The following PRKCA variants were observed in gnomAD, a reference collection of about 807,000 sequenced individuals.
The protein encoded by PRKCA is protein kinase C alpha type.
In PRKCA, 27 loss-of-function variants were observed where a neutral mutation model predicts 87.0. That is an observed-to-expected ratio of 0.31 (90% CI 0.23 to 0.43). The LOEUF (loss-of-function observed/expected upper bound fraction) is 0.43. Among genes scored for constraint, PRKCA ranks in the 20% least tolerant of loss-of-function variants. PRKCA has a pLI of 1.00. For missense variants in PRKCA, 518 were observed against 852.3 expected (o/e 0.61, Z 4.88); for synonymous variants, 329 against 311.1 (o/e 1.06, Z -0.61).
intron 2 of PRKCA, among the ~76,000 whole-genome samples, chr17:66,467,352 A>G (rs1915130819): frequency 6.6e-6 from 1 of 152,178 alleles, no homozygotes; most frequent in South Asian, 2.1e-4. Flanking sequence ...GTTACTATAC[A>G]TAATGTGCTA....
intron 5 of PRKCA, among the ~76,000 whole-genome samples, chr17:66,660,796 C>T (rs1971874879): frequency 6.6e-6 from 1 of 152,016 alleles, no homozygotes; most frequent in South Asian, 2.1e-4. Flanking sequence ...GTAGTCCCAG[C>T]TACTCGGGAG....
intron 3 of PRKCA, among the ~76,000 whole-genome samples, chr17:66,518,057 GA>G (rs893576651): frequency 3.4e-5 from 5 of 148,206 alleles, no homozygotes; most frequent in South Asian, 2.1e-4. Context: ...GTAGCTGAGA[GA>G]AAAAAAAAAG....
At chr17:66,502,099 G>A (rs989929087) in intron 3 of PRKCA, among the ~76,000 whole-genome samples, 7 of 152,166 alleles carry the variant, frequency 4.6e-5, no homozygotes, top group African/African-American at 1.4e-4. Flanking sequence ...ATTCATTTTC[G>A]ATTATGTCTG....
Position 66,774,072 on chromosome 17 carries a change from T to C in PRKCA, c.1605+5T>C. On this transcript the variant is annotated splice_donor_5th_base_variant and intron_variant, in intron 14 of 16. Transcript: ENST00000413366. ...TATGAAATGCTTGCCGGGCAGGTAA[T>C]GTTTTGCTACATTTTCATGTTTGTT... 2 of 1,613,942 alleles carry C rather than the reference T, an allele frequency of 1.2e-6. No homozygotes were observed. The highest frequency in any genetic ancestry group is 1.7e-5 in the Admixed American group (1 of 60,002).
At chr17:66,566,033 T>C (rs1968880336) in intron 3 of PRKCA, among the ~76,000 whole-genome samples, 2 of 152,044 alleles carry the variant, frequency 1.3e-5, no homozygotes, top group Non-Finnish European at 2.9e-5. Context: ...CCTGAAGATG[T>C]TGGGGATTTA....
At chr17:66,328,765 T>C (rs1227501410) in intron 2 of PRKCA, among the ~76,000 whole-genome samples, 1 of 152,138 alleles carries the variant, frequency 6.6e-6, no homozygotes, top group Non-Finnish European at 1.5e-5. Flanking sequence ...GCCACTGCAC[T>C]CTAGCCTGGG....
chr17:66,443,962 C>G (rs1196549395), intron 2 of PRKCA, among the ~76,000 whole-genome samples: 1 of 152,094 alleles, frequency 6.6e-6, no homozygotes, highest in Non-Finnish European at 1.5e-5. Context: ...CCTGGGCAGA[C>G]TTGAGTTGAG....
intron 5 of PRKCA, among the ~76,000 whole-genome samples, chr17:66,682,830 C>A (rs1972528024): frequency 1.3e-5 from 2 of 152,144 alleles, no homozygotes. Flanking sequence ...TCTTCTTGGA[C>A]CCAGTATTGC....
chr17:66,609,783 CTTTAT>C lies in PRKCA; in HGVS notation c.289-31563_289-31559del, dbSNP rs1305569148. ...TGGCTTTTGTTTGGTTTTGGCAAGG[CTTTAT>C]TTTATTTTTTTTTTACTGTCAGTGA... On this transcript the variant is annotated intron_variant, in intron 3 of 16. Coordinates refer to ENST00000413366, the MANE Select transcript of PRKCA (RefSeq NM_002737.3). Among the ~76,000 whole-genome samples the C allele has an allele frequency of 3.3e-5, 5 of 151,036 alleles. No homozygotes were observed. The East Asian group carries it at 7.7e-4, about 23-fold the overall frequency.
At chr17:66,580,934 C>CA (rs2143463968) in intron 3 of PRKCA, among the ~76,000 whole-genome samples, 1 of 152,022 alleles carries the variant, frequency 6.6e-6, no homozygotes, top group East Asian at 1.9e-4. Context: ...TTGTTGCCCC[C>CA]CCCCATGCTC....
At chr17:66,591,281 T>C (rs1372382772) in intron 3 of PRKCA, among the ~76,000 whole-genome samples, 1 of 151,992 alleles carries the variant, frequency 6.6e-6, no homozygotes, top group Non-Finnish European at 1.5e-5. Context: ...GCCCCACAAG[T>C]ACCTAGGACT....
intron 3 of PRKCA, among the ~76,000 whole-genome samples, chr17:66,505,464 G>A (rs1467400513): frequency 6.6e-6 from 1 of 152,190 alleles, no homozygotes; most frequent in Non-Finnish European, 1.5e-5. Context: ...GGAGTCACCT[G>A]GGGGCTTGTC....
chr17:66,760,763 A>G (rs1341940213), intron 13 of PRKCA, among the ~76,000 whole-genome samples: 4 of 152,212 alleles, frequency 2.6e-5, no homozygotes, highest in African/African-American at 9.6e-5. Context: ...ACAGACTAAT[A>G]CCTCTCATGA....
At chr17:66,645,641 C>T (rs1971431852) in intron 5 of PRKCA, 130 bp downstream of exon 5, 2 of 1,338,658 alleles carry the variant, frequency 1.5e-6, no homozygotes, top group Admixed American at 2.1e-5. Context: ...CCTGGTGGAG[C>T]CATCACTGTC....
chr17:66,317,056 G>A (rs527574902), intron 2 of PRKCA, among the ~76,000 whole-genome samples: 4 of 152,000 alleles, frequency 2.6e-5, no homozygotes, highest in African/African-American at 9.6e-5. Flanking sequence ...GCAGGAGAAT[G>A]GCGTGAACCC....
chr17:66,460,618 C>T (rs1299246110), intron 2 of PRKCA, among the ~76,000 whole-genome samples: 2 of 152,184 alleles, frequency 1.3e-5, no homozygotes, highest in Non-Finnish European at 1.5e-5. Flanking sequence ...CCTTGTCTTG[C>T]CCTCCTAGTT....
chr17:66,478,124 G>A (rs1437472034), intron 2 of PRKCA, among the ~76,000 whole-genome samples: 3 of 152,206 alleles, frequency 2.0e-5, no homozygotes, highest in Non-Finnish European at 2.9e-5. Context: ...TGTAAAAGGT[G>A]TTGGTAGATA....
chr17:66,424,637 C>T (rs1381228892), intron 2 of PRKCA, among the ~76,000 whole-genome samples: 2 of 149,098 alleles, frequency 1.3e-5, no homozygotes, highest in African/African-American at 5.0e-5. Context: ...GGAAGTCTTC[C>T]AAATCTGGAA....
chr17:66,734,962 T>G (rs1446260032), intron 9 of PRKCA, among the ~76,000 whole-genome samples: 1 of 152,192 alleles, frequency 6.6e-6, no homozygotes, highest in Non-Finnish European at 1.5e-5. Context: ...GATGAATAGT[T>G]TTCACAACTA....
Sources: allele counts gnomAD v4.1 joint callset (sites outside exome capture counted in the v4.1 genomes callset), GRCh38; gene constraint gnomAD v4.1.1; transcripts MANE v1.5; gene names NCBI Gene and HGNC (gene_info 2026-07-23, HGNC 2026-07-21).